Variants in EXOC6B observed in about 807,000 individuals in gnomAD.
The protein encoded by EXOC6B is exocyst complex component 6B.
A neutral mutation model predicts 113.5 loss-of-function variants in EXOC6B; 54 were observed. The observed-to-expected ratio is 0.48, with a 90% CI of 0.38 to 0.60. The LOEUF is 0.60. Ranked by LOEUF, EXOC6B falls within the 20% of genes least tolerant of loss-of-function variation. The pLI, the probability that EXOC6B is intolerant of heterozygous loss-of-function variation, is 0.00. For synonymous variants in EXOC6B, 357 were observed against 339.0 expected, an observed-to-expected ratio of 1.05 and a Z score of -0.58; for missense variants, 797 against 977.5, an observed-to-expected ratio of 0.82 and a Z score of 2.46.
At chr2:72,811,142 G>A (rs533552957) in intron 1 of EXOC6B, among the ~76,000 whole-genome samples, 6 of 152,068 alleles carry the variant, frequency 3.9e-5, no homozygotes, top group Admixed American at 6.6e-5. Flanking sequence ...AGACCAGCCC[G>A]TCTCTACTAA....
At chr2:72,435,725 T>G (rs1157695984) in intron 18 of EXOC6B, among the ~76,000 whole-genome samples, 2 of 101,818 alleles carry the variant, frequency 2.0e-5, no homozygotes, top group Non-Finnish European at 3.9e-5. Flanking sequence ...TTTTTTTTTG[T>G]TTTTTTTTTG....
intron 6 of EXOC6B, among the ~76,000 whole-genome samples, chr2:72,637,538 C>CA (rs60587904): frequency 0.62 from 94,092 of 152,084 alleles, 35,062 homozygotes; most frequent in East Asian, 0.99. Flanking sequence ...CCTGTAATCC[C>CA]AGCACTTTGG....
At position 72,662,885 on chromosome 2, in the gene EXOC6B, T is replaced by C. The variant is rs185128553; in HGVS notation, c.669+55218A>G. ...TCCCAAGTAGCTGGGATCACAGGCA[T>C]GCTAATTTTTGTATTTTTAGTAGAG... On this transcript the variant is annotated intron_variant, in intron 6 of 21. Coordinates refer to ENST00000272427, the MANE Select transcript of EXOC6B (RefSeq NM_015189.3). 7.4e-4 allele frequency among the ~76,000 whole-genome samples: 112 copies of C among 152,084 alleles called. 1 individual carries two copies. Among genetic ancestry groups the C allele is most frequent in the African/African-American group, 2.4e-3 (99 of 41,518 alleles).
At chr2:72,536,653 C>G (rs1702307674) in intron 8 of EXOC6B, among the ~76,000 whole-genome samples, 1 of 152,108 alleles carries the variant, frequency 6.6e-6, no homozygotes, top group Admixed American at 6.5e-5. Context: ...ACCAAAATAA[C>G]TGTCAAAATA....
intron 17 of EXOC6B, among the ~76,000 whole-genome samples, chr2:72,470,783 C>T (rs1573198724): frequency 1.4e-5 from 2 of 141,602 alleles, no homozygotes; most frequent in South Asian, 4.2e-4. Context: ...CATGTCCCTA[C>T]AAAGGACATG....
At chr2:72,378,076 T>C (rs1166379874) in intron 19 of EXOC6B, among the ~76,000 whole-genome samples, 1 of 152,228 alleles carries the variant, frequency 6.6e-6, no homozygotes, top group Non-Finnish European at 1.5e-5. Flanking sequence ...TCTTCCATTC[T>C]GGTTGGTCAG....
chr2:72,651,753 G>A (rs967463923), intron 6 of EXOC6B, among the ~76,000 whole-genome samples: 1 of 152,010 alleles, frequency 6.6e-6, no homozygotes, highest in African/African-American at 2.4e-5. Context: ...CTGCCACCAC[G>A]CCTGGCTAAT....
At chr2:72,792,061 T>C (rs529732366) in intron 1 of EXOC6B, among the ~76,000 whole-genome samples, 1 of 152,246 alleles carries the variant, frequency 6.6e-6, no homozygotes, top group Admixed American at 6.5e-5. Context: ...AGCACCTCCC[T>C]GGAAGTGGAT....
At chr2:72,630,905 T>C (rs1171530243) in intron 6 of EXOC6B, among the ~76,000 whole-genome samples, 1 of 152,184 alleles carries the variant, frequency 6.6e-6, no homozygotes, top group African/African-American at 2.4e-5. Context: ...TGAGTAATCA[T>C]GTAGTGACAC....
intron 18 of EXOC6B, among the ~76,000 whole-genome samples, chr2:72,399,059 T>A (rs1019916930): frequency 1.3e-5 from 2 of 148,878 alleles, no homozygotes; most frequent in Non-Finnish European, 3.0e-5. Flanking sequence ...GATTAACATA[T>A]CAACTATGTA....
chr2:72,253,023 C>T (rs939175440), intron 20 of EXOC6B, among the ~76,000 whole-genome samples: 3 of 152,088 alleles, frequency 2.0e-5, no homozygotes, highest in Admixed American at 6.6e-5. Context: ...AAAACAACCC[C>T]ATTAAAAAGT....
chr2:72,223,525 AT>A (rs1293402487), intron 20 of EXOC6B, among the ~76,000 whole-genome samples: 4 of 152,094 alleles, frequency 2.6e-5, no homozygotes, highest in Non-Finnish European at 4.4e-5. Flanking sequence ...TTAAAATTAA[AT>A]TTTTTGCCTT....
chr2:72,303,229 TTC>T (rs1429484238), intron 20 of EXOC6B, among the ~76,000 whole-genome samples: 1 of 152,264 alleles, frequency 6.6e-6, no homozygotes, highest in African/African-American at 2.4e-5. Context: ...GACCTGCCCT[TTC>T]TCTCTGTCTT....
chr2:72,544,167 T>A (rs988418582), intron 8 of EXOC6B, among the ~76,000 whole-genome samples: 5 of 152,206 alleles, frequency 3.3e-5, no homozygotes, highest in African/African-American at 1.2e-4. Context: ...TCAAGAGGAA[T>A]AGTGTCTAAA....
intron 18 of EXOC6B, among the ~76,000 whole-genome samples, chr2:72,401,479 AAAATATTTTATATAC>A (rs1693153772): frequency 8.0e-6 from 1 of 125,704 alleles, no homozygotes; most frequent in African/African-American, 2.9e-5. Context: ...AAAAACACAG[AAAATATTTTATATAC>A]ATATATATAT....
At chr2:72,464,863 T>C in intron 18 of EXOC6B, 1 of 358,654 alleles carries the variant, frequency 2.8e-6, no homozygotes, top group East Asian at 4.2e-5. Context: ...ACTAAGTTTC[T>C]TTTTTTAATT....
intron 18 of EXOC6B, among the ~76,000 whole-genome samples, chr2:72,386,422 G>T (rs1015385144): frequency 6.6e-6 from 1 of 152,146 alleles, no homozygotes; most frequent in African/African-American, 2.4e-5. Context: ...AAGGGGAAAA[G>T]GTCTCCGAGG....
At chr2:72,211,491 TA>T (rs1290765605) in intron 20 of EXOC6B, among the ~76,000 whole-genome samples, 4 of 152,140 alleles carry the variant, frequency 2.6e-5, no homozygotes, top group Non-Finnish European at 5.9e-5. Flanking sequence ...ACTCACCATT[TA>T]ATGAATGCCT....
At position 72,176,872 on chromosome 2, in the gene EXOC6B, C is replaced by A. The variant is rs1558984076; in HGVS notation, c.*2463G>T. 6.6e-6 allele frequency: 1 copy of A among 152,128 alleles called. No homozygotes were observed. Among genetic ancestry groups the A allele is most frequent in the Non-Finnish European group, 1.5e-5 (1 of 68,046 alleles). 9.4% of individuals were successfully genotyped at this position (152,128 alleles called of 1,614,324 possible). A position where few individuals can be genotyped will look rare whatever the true frequency, so the allele number is the denominator to read the frequency against. On this transcript the variant is annotated 3_prime_UTR_variant, in exon 22 of 22. Coordinates refer to ENST00000272427, the MANE Select transcript of EXOC6B (RefSeq NM_015189.3). ...CTTCTACATCTCTAGGTATTTGAGG[C>A]CATATCTGAGGAGTCTGATGGGTCT... is the stretch of plus-strand genomic sequence containing the variant.
Sources: allele counts gnomAD v4.1 joint callset (sites outside exome capture counted in the v4.1 genomes callset), GRCh38; gene constraint gnomAD v4.1.1; transcripts MANE v1.5; gene names NCBI Gene and HGNC (gene_info 2026-07-23, HGNC 2026-07-21).